Variants in PLEKHA6 observed in about 807,000 individuals in gnomAD.
PLEKHA6 encodes pleckstrin homology domain-containing family A member 6.
Under a neutral mutation model 116.7 loss-of-function variants are expected in PLEKHA6, and 60 were observed. That is an observed-to-expected ratio of 0.51 (90% confidence interval 0.42 to 0.64). The LOEUF (loss-of-function observed/expected upper bound fraction) is 0.64, where lower values mean the gene tolerates loss of function less well. Ranked by LOEUF, PLEKHA6 falls within the 30% of genes least tolerant of loss-of-function variation. PLEKHA6 has a pLI of 0.00. For missense variants in PLEKHA6, 1,338 were observed against 1,422.7 expected (o/e 0.94, Z 0.96); for synonymous variants, 489 against 556.1 (o/e 0.88, Z 1.70).
At chr1:204,232,901 C>T (rs982130601) in intron 17 of PLEKHA6, among the ~76,000 whole-genome samples, 1 of 152,068 alleles carries the variant, frequency 6.6e-6, no homozygotes, top group Admixed American at 6.6e-5. Context: ...AATGGTGACC[C>T]CTTTGTTCCT....
chr1:204,242,868 G>A (rs1293765420), intron 15 of PLEKHA6, among the ~76,000 whole-genome samples: 1 of 152,218 alleles, frequency 6.6e-6, no homozygotes, highest in Non-Finnish European at 1.5e-5. Flanking sequence ...CATGAGCCTG[G>A]GGTTGGAGCA....
At chr1:204,325,171 A>T (rs142719360) in intron 1 of PLEKHA6, among the ~76,000 whole-genome samples, 1 of 152,158 alleles carries the variant, frequency 6.6e-6, no homozygotes, top group Non-Finnish European at 1.5e-5. Flanking sequence ...CTCCTGAGAG[A>T]TAGGAAAGTC....
At chr1:204,338,895 C>G (rs974061206) in intron 1 of PLEKHA6, among the ~76,000 whole-genome samples, 3 of 152,156 alleles carry the variant, frequency 2.0e-5, no homozygotes, top group Non-Finnish European at 2.9e-5. Context: ...GAGTGGAAGA[C>G]CAAAAAGGTC....
intron 11 of PLEKHA6, 67 bp downstream of exon 11, chr1:204,249,117 G>T: frequency 6.7e-7 from 1 of 1,491,462 alleles, no homozygotes; most frequent in Non-Finnish European, 9.3e-7. Context: ...GGAGACAGCA[G>T]CCCACAACCT....
rs2102756272 is a variant in PLEKHA6 at position 204,259,179 on chromosome 1, C to T, written c.1007+79G>A. ...TCCAGAAGGTTTCCAACAGGGGATG[C>T]CTCGTGGGCTATGACCCCACTCGCA... On this transcript the variant is annotated intron_variant, in intron 8 of 22. Transcript: ENST00000272203. The surrounding 1 kb of genome is among the most constrained non-coding windows in gnomAD (Gnocchi z 4.6). 8 of 1,472,902 alleles carry T rather than the reference C, an allele frequency of 5.4e-6. No homozygotes were observed. Among genetic ancestry groups the T allele is most frequent in the Middle Eastern group, 1.8e-4 (1 of 5,618 alleles). 91.2% of individuals were successfully genotyped at this position (1,472,902 alleles called of 1,614,324 possible).
chr1:204,311,574 A>G (rs1671660513), intron 1 of PLEKHA6: 1 of 970,992 alleles, frequency 1.0e-6, no homozygotes, highest in Non-Finnish European at 1.2e-6. Context: ...AGTGTAACAA[A>G]AAAAAACTAA....
intron 1 of PLEKHA6, among the ~76,000 whole-genome samples, chr1:204,336,836 CAAGTCCCCTGCT>C (rs1672665235): frequency 6.6e-6 from 1 of 152,188 alleles, no homozygotes; most frequent in South Asian, 2.1e-4. Context: ...CTGCCTGTGA[CAAGTCCCCTGCT>C]AGGGCTGTAC....
intron 1 of PLEKHA6, among the ~76,000 whole-genome samples, chr1:204,275,184 G>A (rs940186624): frequency 5.9e-5 from 9 of 151,996 alleles, no homozygotes; most frequent in African/African-American, 1.5e-4. Context: ...CAGGGACGGC[G>A]TCTGCCAGTG....
At chr1:204,287,382 G>A (rs186973812) in intron 1 of PLEKHA6, among the ~76,000 whole-genome samples, 2 of 152,126 alleles carry the variant, frequency 1.3e-5, no homozygotes, top group Non-Finnish European at 2.9e-5. Context: ...ATTAGAAGGT[G>A]CCAGGGTCAA....
chr1:204,245,344 G>A (rs762080826), intron 14 of PLEKHA6, among the ~76,000 whole-genome samples: 18 of 152,138 alleles, frequency 1.2e-4, no homozygotes, highest in Non-Finnish European at 2.2e-4. Flanking sequence ...TTGGGGGCTG[G>A]GGAGGCTTAG....
In PLEKHA6 at chr1:204,257,657, C is replaced by G. The variant is rs756719479; in HGVS notation, c.1220G>C (p.Arg407Pro). 4 of 1,610,110 alleles carry G rather than the reference C, an allele frequency of 2.5e-6. No homozygotes were observed. Among genetic ancestry groups the G allele is most frequent in the Middle Eastern group, 1.7e-4 (1 of 6,046 alleles). The change falls in exon 9 of 23, where the codon CGA becomes CCA. Residue 407 changes from arginine (R) to proline (P), a missense_variant. This residue lies in a region of PLEKHA6 where 1,136 missense variants were observed against 1,163.6 expected (regional missense o/e 0.98). Transcript: ENST00000272203. The surrounding 1 kb of genome is among the most constrained non-coding windows in gnomAD (Gnocchi z 6.5). ...RNGGGPAYQL[R>P]EWKEPASYGR... ...GTAGCTGGCGGGCTCCTTCCACTCT[C>G]GCAGCTGGTAGGCAGGGCCACCCCC...
At chr1:204,362,317 G>C (rs111941858), upstream of PLEKHA6, among the ~76,000 whole-genome samples, 179 of 152,290 alleles carry the variant, frequency 1.2e-3, 1 homozygote, top group African/African-American at 3.9e-3. Flanking sequence ...TGGCGTGAGG[G>C]AGGGAGGATT....
chr1:204,280,619 T>C (rs949092739), intron 1 of PLEKHA6, among the ~76,000 whole-genome samples: 1 of 151,918 alleles, frequency 6.6e-6, no homozygotes, highest in African/African-American at 2.4e-5. Flanking sequence ...GGAAAGGGGG[T>C]CCCATCCCTT....
At chr1:204,352,422 A>G (rs1295033290) in intron 1 of PLEKHA6, among the ~76,000 whole-genome samples, 3 of 152,036 alleles carry the variant, frequency 2.0e-5, no homozygotes, top group African/African-American at 7.2e-5. Flanking sequence ...CCAGTGCCAC[A>G]TGTTTTCTTC....
chr1:204,262,661 A>T (rs1571953148), intron 6 of PLEKHA6, among the ~76,000 whole-genome samples: 1 of 152,056 alleles, frequency 6.6e-6, no homozygotes, highest in Non-Finnish European at 1.5e-5. Context: ...TGCTCAAAAG[A>T]TTCCTCAGCT....
At chr1:204,376,651 C>T (rs1193810731) in intron 1 of PLEKHA6, among the ~76,000 whole-genome samples, 1 of 152,202 alleles carries the variant, frequency 6.6e-6, no homozygotes, top group African/African-American at 2.4e-5. Context: ...GGCTGAGTCC[C>T]AGCTCTGATT....
At chr1:204,320,583 C>T (rs542921916) in intron 1 of PLEKHA6, 1 of 646,072 alleles carries the variant, frequency 1.5e-6, no homozygotes, top group Non-Finnish European at 1.9e-6. Flanking sequence ...GATAGGGAAA[C>T]TTTCGGTCAG....
At position 204,223,275 on chromosome 1, in the gene PLEKHA6, C is replaced by A. The variant is rs956673751; in HGVS notation, c.*8+187G>T. On this transcript the variant is annotated intron_variant, in intron 22 of 22. Coordinates refer to ENST00000272203, the MANE Select transcript of PLEKHA6 (RefSeq NM_014935.5). This position sits in a 1 kb window ranked among gnomAD's most constrained non-coding sequence, Gnocchi z 4.8. Reference sequence around the variant, plus strand: ...GCGGCCCTGCCAGCTGGCTCCAGCCCAGCACTGCGTGGGGAAGCTGGATGG... The same window carrying A: ...GCGGCCCTGCCAGCTGGCTCCAGCCAAGCACTGCGTGGGGAAGCTGGATGG... Among the ~76,000 whole-genome samples, 4 of 152,014 alleles carry A rather than the reference C, an allele frequency of 2.6e-5. No individual in the cohort carries two copies. Among genetic ancestry groups the A allele is most frequent in the Non-Finnish European group, 5.9e-5 (4 of 68,008 alleles).
chr1:204,362,181 A>G (rs1469059382), upstream of PLEKHA6, among the ~76,000 whole-genome samples: 1 of 152,220 alleles, frequency 6.6e-6, no homozygotes, highest in African/African-American at 2.4e-5. Context: ...AGCTACAGCA[A>G]GGACAGGTGA....
Sources: gnomAD v4.1 joint callset for allele counts (sites outside exome capture counted in the v4.1 genomes callset) on GRCh38, gnomAD v4.1.1 for gene constraint, gnomAD v4.1.1 regional missense constraint, Gnocchi (gnomAD v3.1) non-coding constraint, MANE v1.5 for transcripts, NCBI Gene and HGNC (gene_info 2026-07-23, HGNC 2026-07-21) for gene names.